UBE2E1: variants seen among roughly 807,000 people sequenced by gnomAD.
The protein encoded by UBE2E1 is ubiquitin conjugating enzyme E2 E1.
A neutral mutation model predicts 21.4 loss-of-function variants in UBE2E1; 6 were observed. The ratio of observed to expected loss-of-function variants is 0.28; its 90% CI spans 0.15 to 0.55. The LOEUF (loss-of-function observed/expected upper bound fraction) is 0.55. UBE2E1 is among the 20% of genes least tolerant of loss of function. The pLI, the probability that UBE2E1 is intolerant of heterozygous loss-of-function variation, is 0.93. For synonymous variants in UBE2E1, 87 were observed against 82.7 expected (o/e 1.05, Z -0.28); for missense variants, 142 against 236.5 (o/e 0.60, Z 2.62).
chr3:23,816,806 GGACA>G lies in UBE2E1; in HGVS notation c.203+5302_203+5305del, dbSNP rs1699528595. On this transcript the variant is annotated intron_variant, in intron 3 of 5. Coordinates refer to ENST00000306627, the MANE Select transcript of UBE2E1 (RefSeq NM_003341.5). The surrounding 1 kb of genome is among the most constrained non-coding windows in gnomAD (Gnocchi z 4.8). ...ATACCTAGAATAGGCAAACTCATAA[GGACA>G]GACAGTAGATTAGAGGTTTTCAGGG... 6.6e-6 allele frequency among the ~76,000 whole-genome samples: 1 copy of G among 152,182 alleles called. No homozygotes were observed. Among genetic ancestry groups the G allele is most frequent in the African/African-American group, 2.4e-5 (1 of 41,454 alleles).
At chr3:23,817,252 G>A (rs1699543694) in intron 3 of UBE2E1, among the ~76,000 whole-genome samples, 1 of 151,892 alleles carries the variant, frequency 6.6e-6, no homozygotes, top group Non-Finnish European at 1.5e-5. Context: ...ACACCAGACT[G>A]GCCAACTAAA....
chr3:23,844,814 A>T (rs997737310), intron 3 of UBE2E1, among the ~76,000 whole-genome samples: 6 of 152,188 alleles, frequency 3.9e-5, no homozygotes, highest in Admixed American at 3.3e-4. Context: ...GCTCTCCCAG[A>T]TATGAAGACG....
intron 3 of UBE2E1, among the ~76,000 whole-genome samples, chr3:23,867,132 G>T (rs1700674195): frequency 7.0e-6 from 1 of 143,724 alleles, no homozygotes; most frequent in African/African-American, 2.6e-5. Flanking sequence ...CTTTCTTCTT[G>T]TCTTTTTTAT....
rs187453260 is a variant in UBE2E1 at position 23,891,549 on chromosome 3, A to C, written c.*943A>C. On this transcript the variant is annotated 3_prime_UTR_variant, in exon 6 of 6. Transcript: ENST00000306627. ...AAGACGAACCCTACTGCATCTTTTT[A>C]AAAGCATTTTCTGACTTGCAGATGC... 1 of 152,346 alleles carries C rather than the reference A, an allele frequency of 6.6e-6. No homozygotes were observed. The highest frequency in any genetic ancestry group is 1.5e-5 in the Non-Finnish European group (1 of 68,028). The allele number at this position is 152,346 out of a possible 1,614,324, so 9.4% of individuals were successfully genotyped here.
intron 3 of UBE2E1, among the ~76,000 whole-genome samples, chr3:23,831,652 A>G (rs185572959): frequency 4.4e-4 from 66 of 150,372 alleles, no homozygotes; most frequent in African/African-American, 1.6e-3. Context: ...CTAAGTAGCT[A>G]GGACTACAGG....
At chr3:23,809,344 G>A (rs893762727) in intron 2 of UBE2E1, among the ~76,000 whole-genome samples, 1 of 152,208 alleles carries the variant, frequency 6.6e-6, no homozygotes, top group African/African-American at 2.4e-5. Flanking sequence ...GTTCTGTGAA[G>A]TATATTGATT....
chr3:23,808,497 T>C lies in UBE2E1; in HGVS notation c.152+1076T>C, dbSNP rs1387554522. Among the ~76,000 whole-genome samples the C allele has an allele frequency of 1.3e-5, 2 of 152,230 alleles. No individual in the cohort carries two copies. The highest frequency in any genetic ancestry group is 3.8e-4 in the East Asian group (2 of 5,204). On this transcript the variant is annotated intron_variant, in intron 2 of 5. Coordinates refer to ENST00000306627, the MANE Select transcript of UBE2E1 (RefSeq NM_003341.5). This position sits in a 1 kb window ranked among gnomAD's most constrained non-coding sequence, Gnocchi z 4.9. Reference sequence around the variant, plus strand: ...TAAAATAAAGTAGAACATGAGACTTTAGATCTCTCCACTGAGTAGTGAGCC... The same window carrying C: ...TAAAATAAAGTAGAACATGAGACTTCAGATCTCTCCACTGAGTAGTGAGCC...
chr3:23,881,499 G>A (rs528918473), intron 3 of UBE2E1, among the ~76,000 whole-genome samples: 2 of 152,136 alleles, frequency 1.3e-5, no homozygotes, highest in South Asian at 2.1e-4. Context: ...CTTCAAACAC[G>A]GATAAGTGGG....
rs940767462 is a variant in UBE2E1 at position 23,891,495 on chromosome 3, G to A, written c.*889G>A. On this transcript the variant is annotated 3_prime_UTR_variant, in exon 6 of 6. Coordinates refer to ENST00000306627, the MANE Select transcript of UBE2E1 (RefSeq NM_003341.5). ...CTGTAGATGAGGTATCCTAGAAAAG[G>A]TTAAATAATCTACCCCATTTAGGCT... 1.2e-4 allele frequency among the ~76,000 whole-genome samples: 19 copies of A among 152,134 alleles called. No individual in the cohort carries two copies. The highest frequency in any genetic ancestry group is 4.3e-4 in the African/African-American group (18 of 41,418).
intron 3 of UBE2E1, among the ~76,000 whole-genome samples, chr3:23,812,424 C>T (rs752808835): frequency 6.6e-6 from 1 of 152,148 alleles, no homozygotes; most frequent in Non-Finnish European, 1.5e-5. Flanking sequence ...CGGCTATACA[C>T]AATTTTTAAG....
At chr3:23,878,346 G>A (rs1429377474) in intron 3 of UBE2E1, among the ~76,000 whole-genome samples, 2 of 152,172 alleles carry the variant, frequency 1.3e-5, no homozygotes, top group Non-Finnish European at 2.9e-5. Context: ...AGATTAAAAG[G>A]TAGCGATAGT....
At position 23,890,220 on chromosome 3, in the gene UBE2E1, C is replaced by CAT. The variant is rs140464492; in HGVS notation, c.485-288_485-287insTA. Among the ~76,000 whole-genome samples the CAT allele has an allele frequency of 9.4e-3, 1,427 of 152,238 alleles. 26 individuals are homozygous for CAT. The highest frequency in any genetic ancestry group is 0.032 in the African/African-American group (1,332 of 41,520). On this transcript the variant is annotated intron_variant, in intron 5 of 5. Coordinates refer to ENST00000306627, the MANE Select transcript of UBE2E1 (RefSeq NM_003341.5). ...CCAGTCTCTACTGAACTCAGCCTAACACATAAGAGTAAAGAAACTCCAATT... is the reference window on the plus strand; with the variant it reads ...CCAGTCTCTACTGAACTCAGCCTAACATACATAAGAGTAAAGAAACTCCAATT...
intron 3 of UBE2E1, among the ~76,000 whole-genome samples, chr3:23,815,960 A>G (rs879923065): frequency 6.6e-6 from 1 of 152,184 alleles, no homozygotes; most frequent in Non-Finnish European, 1.5e-5. Context: ...TTTCAGCACG[A>G]TCAAAACAGC....
intron 3 of UBE2E1, among the ~76,000 whole-genome samples, chr3:23,856,948 C>T (rs1401616186): frequency 7.5e-5 from 11 of 147,024 alleles, no homozygotes; most frequent in African/African-American, 2.8e-4. Flanking sequence ...GGTTGCAGTG[C>T]GCTGTGATCA....
chr3:23,818,560 A>T (rs1699575963), intron 3 of UBE2E1, among the ~76,000 whole-genome samples: 1 of 152,178 alleles, frequency 6.6e-6, no homozygotes, highest in Admixed American at 6.5e-5. Flanking sequence ...CCTCAGCAAA[A>T]TTACACCATG....
chr3:23,870,144 T>G lies in UBE2E1; in HGVS notation c.204-17423T>G, dbSNP rs549440521. Reference sequence around the variant, plus strand: ...ACACCTTGGGCTTCTTGGCTAATTCTCATTCTTGATGTGGTCTCTTCACAC... The same window carrying G: ...ACACCTTGGGCTTCTTGGCTAATTCGCATTCTTGATGTGGTCTCTTCACAC... On this transcript the variant is annotated intron_variant, in intron 3 of 5. Transcript: ENST00000306627. This position sits in a 1 kb window ranked among gnomAD's most constrained non-coding sequence, Gnocchi z 4.2. 6.6e-6 allele frequency among the ~76,000 whole-genome samples: 1 copy of G among 152,258 alleles called. No homozygotes were observed. Among genetic ancestry groups the G allele is most frequent in the Non-Finnish European group, 1.5e-5 (1 of 68,014 alleles).
chr3:23,872,239 G>A (rs899048091), intron 3 of UBE2E1, among the ~76,000 whole-genome samples: 5 of 152,118 alleles, frequency 3.3e-5, no homozygotes, highest in Non-Finnish European at 5.9e-5. Flanking sequence ...CAGGCGTGGC[G>A]GCGCGCGCCT....
intron 3 of UBE2E1, among the ~76,000 whole-genome samples, chr3:23,824,555 G>T (rs1699713986): frequency 1.3e-5 from 2 of 152,142 alleles, no homozygotes; most frequent in Non-Finnish European, 2.9e-5. Context: ...CCCTCCAAAA[G>T]CAGTCATCTT....
intron 3 of UBE2E1, among the ~76,000 whole-genome samples, chr3:23,841,603 T>C (rs998478839): frequency 2.0e-5 from 3 of 152,228 alleles, no homozygotes; most frequent in Non-Finnish European, 2.9e-5. Flanking sequence ...TTCTGTCTAA[T>C]AGGGAGAAAA....
Sources: gnomAD v4.1 joint callset for allele counts (sites outside exome capture counted in the v4.1 genomes callset) on GRCh38, gnomAD v4.1.1 for gene constraint, Gnocchi (gnomAD v3.1) non-coding constraint, MANE v1.5 for transcripts, NCBI Gene and HGNC (gene_info 2026-07-23, HGNC 2026-07-21) for gene names.